LGR4: variants seen among roughly 807,000 people sequenced by gnomAD.
LGR4 encodes the protein leucine rich repeat containing G protein-coupled receptor 4.
LGR4 carries 44 observed loss-of-function variants against 84.8 expected under a neutral mutation model. That is an observed-to-expected ratio of 0.52 (90% CI 0.41 to 0.67). The LOEUF (loss-of-function observed/expected upper bound fraction) is 0.67. Ranked by LOEUF, LGR4 falls within the 30% of genes least tolerant of loss-of-function variation. The pLI is 0.00. For synonymous variants in LGR4, 429 were observed against 434.3 expected, an observed-to-expected ratio of 0.99 and a Z score of 0.15; for missense variants, 1,032 against 1,131.4, an observed-to-expected ratio of 0.91 and a Z score of 1.26.
chr11:27,458,079 G>C (rs1245994149), intron 1 of LGR4, among the ~76,000 whole-genome samples: 1 of 152,194 alleles, frequency 6.6e-6, no homozygotes, highest in Non-Finnish European at 1.5e-5. Flanking sequence ...GCAGTGAACT[G>C]TGATCATGCC....
rs148413909 is a variant in LGR4 at position 27,372,737 on chromosome 11, C to T, written c.1380-339G>A. ...TATTAACTATGCACAATTTATCATACGAAACTGATAGTTTCACTTAAAATT... is the reference window on the plus strand; with the variant it reads ...TATTAACTATGCACAATTTATCATATGAAACTGATAGTTTCACTTAAAATT... On this transcript the variant is annotated intron_variant, in intron 15 of 17. Transcript: ENST00000379214. Among the ~76,000 whole-genome samples the T allele has an allele frequency of 2.8e-3, 421 of 152,262 alleles. 4 individuals are homozygous for T. Among genetic ancestry groups the T allele is most frequent in the African/African-American group, 9.1e-3 (377 of 41,548 alleles).
rs754478209 is a variant in LGR4 at position 27,472,090 on chromosome 11, C to CG, written c.185+27_185+28insC. On this transcript the variant is annotated intron_variant, in intron 1 of 17. Transcript: ENST00000379214. The stretch of plus-strand genomic sequence containing the variant: ...CCGCTGGGCCCCGTTTCCTCCCCCC[C>CG]CCTCGCGTCCCCGCCGCCCGCACTC... 1.6e-4 allele frequency: 208 copies of CG among 1,287,024 alleles called. 6 individuals are homozygous for CG. The South Asian group carries it at 4.1e-3, about 25-fold the overall frequency. The allele number at this position is 1,287,024 out of a possible 1,614,324, so 79.7% of individuals were successfully genotyped here. A position where few individuals can be genotyped will look rare whatever the true frequency, so the allele number is the denominator to read the frequency against.
At chr11:27,442,972 G>GA (rs1187079497) in intron 1 of LGR4, among the ~76,000 whole-genome samples, 2 of 152,192 alleles carry the variant, frequency 1.3e-5, no homozygotes, top group African/African-American at 4.8e-5. Flanking sequence ...GACTGTACTA[G>GA]ACACATATCG....
chr11:27,412,743 A>T, intron 2 of LGR4, 46 bp downstream of exon 2: 1 of 1,137,774 alleles, frequency 8.8e-7, no homozygotes, highest in Non-Finnish European at 1.3e-6. Flanking sequence ...TCCAAAATGA[A>T]TTGGGGAAAA....
chr11:27,458,568 C>T (rs1003182658), intron 1 of LGR4, among the ~76,000 whole-genome samples: 6 of 149,344 alleles, frequency 4.0e-5, no homozygotes, highest in Non-Finnish European at 5.9e-5. Context: ...GATGGAATTT[C>T]GCTCTTTTCA....
chr11:27,452,627 T>G (rs1002278120), intron 1 of LGR4, among the ~76,000 whole-genome samples: 6 of 119,744 alleles, frequency 5.0e-5, no homozygotes, highest in African/African-American at 2.3e-4. Flanking sequence ...TTTTGAGTTT[T>G]TTTTTTTTTT....
At chr11:27,393,938 TTGGGGGG>T (rs1863332724) in intron 2 of LGR4, among the ~76,000 whole-genome samples, 5 of 4,290 alleles carry the variant, frequency 1.2e-3, no homozygotes, top group Non-Finnish European at 8.0e-3. Context: ...GCACTGAAGA[TTGGGGGG>T]GGGGGGGGGC....
At chr11:27,416,870 C>T (rs577882383) in intron 1 of LGR4, among the ~76,000 whole-genome samples, 1 of 152,192 alleles carries the variant, frequency 6.6e-6, no homozygotes, top group Non-Finnish European at 1.5e-5. Flanking sequence ...CGTCTTTTCC[C>T]CCATAAAATT....
rs371523778 is a variant in LGR4, at chr11:27,447,389, T to C, written c.185+24729A>G. Among the ~76,000 whole-genome samples, 227 of 152,190 alleles carry C rather than the reference T, an allele frequency of 1.5e-3. 4 individuals are homozygous for C. In the South Asian group the frequency reaches 0.046, roughly 31 times the overall value. ...ACTGCTCATTATATGCTAATTATAA[T>C]ATATTAGCTTACTAAAGGAACCTCC... On this transcript the variant is annotated intron_variant, in intron 1 of 17. Transcript: ENST00000379214.
In LGR4 at chr11:27,367,663, G is replaced by A. The variant is rs1207603536; in HGVS notation, c.*204C>T. 6.0e-6 allele frequency: 3 copies of A among 497,624 alleles called. No homozygotes were observed. Among genetic ancestry groups the A allele is most frequent in the Middle Eastern group, 4.2e-4 (1 of 2,380 alleles). The allele number at this position is 497,624 out of a possible 1,614,324, so 30.8% of individuals were successfully genotyped here. A position where few individuals can be genotyped will look rare whatever the true frequency, so the allele number is the denominator to read the frequency against. Reference sequence around the variant, plus strand: ...TTTCAAACAGATCATACATTGCTTGGACATTGCATTTTTCACCAATTTATA... The same window carrying A: ...TTTCAAACAGATCATACATTGCTTGAACATTGCATTTTTCACCAATTTATA... On this transcript the variant is annotated 3_prime_UTR_variant, in exon 18 of 18. Transcript: ENST00000379214.
chr11:27,435,833 G>C (rs1864197799), intron 1 of LGR4, among the ~76,000 whole-genome samples: 1 of 151,814 alleles, frequency 6.6e-6, no homozygotes, highest in Non-Finnish European at 1.5e-5. Flanking sequence ...GAGGCAAATG[G>C]TTCACATATC....
At chr11:27,462,629 C>T (rs1163240537) in intron 1 of LGR4, among the ~76,000 whole-genome samples, 1 of 152,050 alleles carries the variant, frequency 6.6e-6, no homozygotes, top group Non-Finnish European at 1.5e-5. Flanking sequence ...AATTTTAATT[C>T]ACTGTTATAA....
rs377671985 is a variant in LGR4, at chr11:27,433,312, T to A, written c.186-20452A>T. On this transcript the variant is annotated intron_variant, in intron 1 of 17. Transcript: ENST00000379214. ...ACTACAAGCTCCGCCTCCCGGGTTC[T>A]CGCCATTCTCCTGCCTCAGACTCCC... Among the ~76,000 whole-genome samples, 26 of 152,146 alleles carry A rather than the reference T, an allele frequency of 1.7e-4. No individual in the cohort carries two copies. The East Asian group carries it at 4.3e-3, about 25-fold the overall frequency.
intron 2 of LGR4, among the ~76,000 whole-genome samples, chr11:27,400,621 G>C (rs1211415576): frequency 1.3e-5 from 2 of 151,618 alleles, no homozygotes; most frequent in Admixed American, 6.6e-5. Context: ...CCTTGCCTCA[G>C]CCTCTTGAGT....
At chr11:27,403,332 G>GT (rs1386444997) in intron 2 of LGR4, among the ~76,000 whole-genome samples, 1 of 152,150 alleles carries the variant, frequency 6.6e-6, no homozygotes, top group African/African-American at 2.4e-5. Flanking sequence ...ATGGTGGCAT[G>GT]TGCCAGCTAC....
At chr11:27,445,864 GA>G (rs1864380203) in intron 1 of LGR4, among the ~76,000 whole-genome samples, 1 of 146,796 alleles carries the variant, frequency 6.8e-6, no homozygotes, top group African/African-American at 2.4e-5. Context: ...GCAACAGAGT[GA>G]GACCCTGTCT....
intron 2 of LGR4, among the ~76,000 whole-genome samples, chr11:27,404,493 A>C (rs1863564772): frequency 6.6e-6 from 1 of 152,160 alleles, no homozygotes. Flanking sequence ...AATGTTTCCC[A>C]CAGTATGCCT....
rs768194027 is a variant in LGR4 at position 27,372,273 on chromosome 11, A to G, written c.1495+10T>C. 24 of 1,499,756 alleles carry G rather than the reference A, an allele frequency of 1.6e-5. No homozygotes were observed. The highest frequency in any genetic ancestry group is 2.0e-5 in the Non-Finnish European group (21 of 1,076,110). 92.9% of individuals were successfully genotyped at this position (1,499,756 alleles called of 1,614,324 possible). ...AGGAGTGTTCTATTTTTTGAAACTCATGCACTTGCCTTTCTCCTGTGCCAC... is the reference window on the plus strand; with the variant it reads ...AGGAGTGTTCTATTTTTTGAAACTCGTGCACTTGCCTTTCTCCTGTGCCAC... On this transcript the variant is annotated intron_variant, in intron 16 of 17. Transcript: ENST00000379214.
chr11:27,409,167 T>C (rs1275171774), intron 2 of LGR4, among the ~76,000 whole-genome samples: 1 of 152,154 alleles, frequency 6.6e-6, no homozygotes, highest in Non-Finnish European at 1.5e-5. Context: ...AAAAGTTGGA[T>C]GGAATATTTT....
Sources: gnomAD v4.1 joint callset for allele counts (sites outside exome capture counted in the v4.1 genomes callset) on GRCh38, gnomAD v4.1.1 for gene constraint, MANE v1.5 for transcripts, NCBI Gene and HGNC (gene_info 2026-07-23, HGNC 2026-07-21) for gene names.